HIF1A: variants seen among roughly 807,000 people sequenced by gnomAD.
HIF1A encodes the protein hypoxia inducible factor 1 subunit alpha.
HIF1A carries 24 observed loss-of-function variants against 92.7 expected under a neutral mutation model. The ratio of observed to expected loss-of-function variants is 0.26; its 90% CI spans 0.19 to 0.36. The LOEUF (loss-of-function observed/expected upper bound fraction) is 0.36, where lower values mean the gene tolerates loss of function less well. HIF1A is among the 10% of genes least tolerant of loss of function. The pLI is 1.00. For missense variants in HIF1A, 799 were observed against 998.5 expected (o/e 0.80, Z 2.69); for synonymous variants, 319 against 338.7 (o/e 0.94, Z 0.64).
chr14:61,739,335 TTTCTAAATCTAGAATGATTC>T (rs1298740168), intron 10 of HIF1A, among the ~76,000 whole-genome samples: 17 of 152,214 alleles, frequency 1.1e-4, no homozygotes, highest in Non-Finnish European at 1.2e-4. Flanking sequence ...CAGGGCTCTA[TTTCTAAATCTAGAATGATTC>T]CATTTTAGGG....
In HIF1A at chr14:61,722,591, G is replaced by A. The variant is rs189786074; in HGVS notation, c.457+768G>A. Among the ~76,000 whole-genome samples the A allele has an allele frequency of 7.3e-3, 1,104 of 152,262 alleles. 9 individuals are homozygous for A. Among genetic ancestry groups the A allele is most frequent in the Non-Finnish European group, 0.012 (816 of 68,018 alleles). On this transcript the variant is annotated intron_variant, in intron 4 of 14. Coordinates refer to ENST00000337138, the MANE Select transcript of HIF1A (RefSeq NM_001530.4). ...AGGAGAAATTATAATACAAATGGCA[G>A]ATAATAGGACTTTAGACAGTCATTA...
In HIF1A at chr14:61,741,199, G is replaced by A; in HGVS notation, c.2093+11G>A. On this transcript the variant is annotated intron_variant, in intron 12 of 14. Coordinates refer to ENST00000337138, the MANE Select transcript of HIF1A (RefSeq NM_001530.4). The stretch of plus-strand genomic sequence containing the variant: ...CGCTTTGAGTCAAAGGTATTTATAT[G>A]TAACATTCAAGTTATAGTTCTTTTA... The A allele has an allele frequency of 6.5e-7, 1 of 1,534,870 alleles. No individual in the cohort carries two copies. Among genetic ancestry groups the A allele is most frequent in the East Asian group, 2.3e-5 (1 of 44,424 alleles).
At chr14:61,715,045 AAAAC>A (rs1366398111) in intron 1 of HIF1A, among the ~76,000 whole-genome samples, 2 of 152,196 alleles carry the variant, frequency 1.3e-5, no homozygotes, top group Non-Finnish European at 2.9e-5. Flanking sequence ...AGGAAAAAAA[AAAAC>A]AGTTTCTGTG....
intron 4 of HIF1A, among the ~76,000 whole-genome samples, chr14:61,724,146 AG>A (rs2044469761): frequency 6.7e-6 from 1 of 149,794 alleles, no homozygotes; most frequent in South Asian, 2.1e-4. Flanking sequence ...TTTCCTCATT[AG>A]GAAAACACTA....
At position 61,722,900 on chromosome 14, in the gene HIF1A, T is replaced by TA. The variant is rs1257849191; in HGVS notation, c.457+1080dup. On this transcript the variant is annotated intron_variant, in intron 4 of 14. Coordinates refer to ENST00000337138, the MANE Select transcript of HIF1A (RefSeq NM_001530.4). ...AAGTCTTTCTACATTTTTATCTTGT[T>TA]AAACAGTGTATACTGATCATAATTA... is the stretch of plus-strand genomic sequence containing the variant. 7.9e-5 allele frequency among the ~76,000 whole-genome samples: 12 copies of TA among 152,360 alleles called. No individual in the cohort carries two copies. The East Asian group carries it at 2.1e-3, about 27-fold the overall frequency.
intron 1 of HIF1A, among the ~76,000 whole-genome samples, chr14:61,716,550 C>T (rs562542299): frequency 6.6e-6 from 1 of 152,148 alleles, no homozygotes; most frequent in Non-Finnish European, 1.5e-5. Flanking sequence ...GCTTTTTGTG[C>T]AATACGAAAA....
At chr14:61,734,346 CTG>C in intron 8 of HIF1A, 61 bp downstream of exon 8, 1 of 1,148,348 alleles carries the variant, frequency 8.7e-7, no homozygotes, top group Non-Finnish European at 1.3e-6. Context: ...TTTGGATACT[CTG>C]TTCATTTATA....
At chr14:61,729,997 A>G (rs2044556205) in intron 6 of HIF1A, among the ~76,000 whole-genome samples, 1 of 152,164 alleles carries the variant, frequency 6.6e-6, no homozygotes, top group Non-Finnish European at 1.5e-5. Flanking sequence ...AAGCTCCTCA[A>G]CTCCAAAATA....
chr14:61,728,607 T>G (rs1028631547), intron 6 of HIF1A, among the ~76,000 whole-genome samples: 3 of 152,224 alleles, frequency 2.0e-5, no homozygotes, highest in African/African-American at 7.2e-5. Flanking sequence ...GTAACTTTTC[T>G]TTTACATTCA....
chr14:61,707,267 A>G (rs557116694), intron 1 of HIF1A, among the ~76,000 whole-genome samples: 5 of 151,452 alleles, frequency 3.3e-5, no homozygotes, highest in Admixed American at 3.3e-4. Context: ...CAGACTTCAT[A>G]AATCAGAAAC....
At chr14:61,715,990 ACT>A (rs1015604275) in intron 1 of HIF1A, among the ~76,000 whole-genome samples, 3 of 152,100 alleles carry the variant, frequency 2.0e-5, no homozygotes, top group Non-Finnish European at 4.4e-5. Context: ...ACAGAGCAAG[ACT>A]CTGTCTCTAA....
intron 4 of HIF1A, among the ~76,000 whole-genome samples, chr14:61,725,028 T>C (rs539057110): frequency 3.3e-5 from 5 of 152,322 alleles, no homozygotes; most frequent in South Asian, 2.1e-4. Flanking sequence ...TTTTCAAACA[T>C]GTCCTATTTT....
chr14:61,738,392 T>A lies in HIF1A; in HGVS notation c.1536+19T>A. 1.3e-6 allele frequency: 2 copies of A among 1,550,126 alleles called. No individual in the cohort carries two copies. Among genetic ancestry groups the A allele is most frequent in the Non-Finnish European group, 1.7e-6 (2 of 1,147,694 alleles). On this transcript the variant is annotated intron_variant, in intron 10 of 14. Transcript: ENST00000337138. ...ACCTGAGGTAGGTGTCATGATATAATCAGAAAGGGACAACTTTCAGATTTT... is the reference window on the plus strand; with the variant it reads ...ACCTGAGGTAGGTGTCATGATATAAACAGAAAGGGACAACTTTCAGATTTT...
In HIF1A at chr14:61,721,496, G is replaced by T. The variant is rs1325953517; in HGVS notation, c.227-13G>T. The T allele has an allele frequency of 6.2e-7, 1 of 1,604,252 alleles. No homozygotes were observed. Among genetic ancestry groups the T allele is most frequent in the Non-Finnish European group, 8.5e-7 (1 of 1,173,690 alleles). ...TTTAACTAATTATTTTCCTCTTCTT[G>T]TGCCCTTTTTAGGTGATTTGGATAT... is the stretch of plus-strand genomic sequence containing the variant. On this transcript the variant is annotated splice_polypyrimidine_tract_variant and intron_variant, in intron 2 of 14. Transcript: ENST00000337138.
chr14:61,721,166 A>G (rs1261194709), intron 2 of HIF1A, among the ~76,000 whole-genome samples: 1 of 150,024 alleles, frequency 6.7e-6, no homozygotes, highest in Admixed American at 6.6e-5. Flanking sequence ...GCTTAAACTC[A>G]GAGGGCGGAG....
At chr14:61,736,754 AT>A (rs2044642856) in intron 8 of HIF1A, 134 bp from the exon 9 acceptor site, 1 of 630,664 alleles carries the variant, frequency 1.6e-6, no homozygotes, top group Non-Finnish European at 2.8e-6. Context: ...CGCATGAGTG[AT>A]CATGCATCTC....
At chr14:61,698,796 C>T (rs1403016538) in intron 1 of HIF1A, 2 of 152,178 alleles carry the variant, frequency 1.3e-5, no homozygotes, top group Non-Finnish European at 2.9e-5. Flanking sequence ...TAGTGGAGGC[C>T]TCCTGCTTCA....
At chr14:61,738,404 A>G (rs1157326646) in intron 10 of HIF1A, 31 bp downstream of exon 10, 1 of 1,507,480 alleles carries the variant, frequency 6.6e-7, no homozygotes, top group East Asian at 2.3e-5. Flanking sequence ...AGAAAGGGAC[A>G]ACTTTCAGAT....
At chr14:61,708,206 CTT>C (rs2044264529) in intron 1 of HIF1A, among the ~76,000 whole-genome samples, 1 of 152,114 alleles carries the variant, frequency 6.6e-6, no homozygotes, top group African/African-American at 2.4e-5. Context: ...GATACTAGCC[CTT>C]TGTCAGATGA....
Sources: allele counts gnomAD v4.1 joint callset (sites outside exome capture counted in the v4.1 genomes callset), GRCh38; gene constraint gnomAD v4.1.1; transcripts MANE v1.5; gene names NCBI Gene and HGNC (gene_info 2026-07-23, HGNC 2026-07-21).